VEPH1: variants seen among roughly 807,000 people sequenced by gnomAD.
VEPH1 encodes ventricular zone expressed PH domain containing 1.
Under a neutral mutation model 85.2 loss-of-function variants are expected in VEPH1, and 80 were observed. The observed-to-expected ratio is 0.94, with a 90% CI of 0.78 to 1.13. VEPH1 has a LOEUF of 1.13. Ranked by LOEUF, VEPH1 falls within the 50% of genes most tolerant of loss-of-function variation. The pLI is 0.00. For missense variants in VEPH1, 955 were observed against 980.5 expected, an observed-to-expected ratio of 0.97 and a Z score of 0.35; for synonymous variants, 297 against 348.0, an observed-to-expected ratio of 0.85 and a Z score of 1.63.
chr3:157,432,040 G>A (rs1283605073), intron 4 of VEPH1, among the ~76,000 whole-genome samples: 1 of 151,744 alleles, frequency 6.6e-6, no homozygotes, highest in Non-Finnish European at 1.5e-5. Flanking sequence ...AGTAGAGATG[G>A]AGTTTCACTA....
At chr3:157,472,475 C>G (rs994201254) in intron 2 of VEPH1, among the ~76,000 whole-genome samples, 3 of 152,112 alleles carry the variant, frequency 2.0e-5, no homozygotes, top group African/African-American at 7.2e-5. Flanking sequence ...AATTCTTTTA[C>G]AATACTAATT....
chr3:157,470,814 A>C (rs1272458544), intron 2 of VEPH1, among the ~76,000 whole-genome samples: 1 of 152,132 alleles, frequency 6.6e-6, no homozygotes, highest in Non-Finnish European at 1.5e-5. Context: ...AGTGGGTTTA[A>C]TCTTTAGACT....
intron 13 of VEPH1, 87 bp downstream of exon 13, chr3:157,265,439 G>A: frequency 7.1e-7 from 1 of 1,413,932 alleles, no homozygotes; most frequent in Admixed American, 2.2e-5. Context: ...AAAATTATTA[G>A]AGTTTAAACC....
chr3:157,396,793 G>GT (rs1255808150), intron 6 of VEPH1, among the ~76,000 whole-genome samples: 11 of 149,990 alleles, frequency 7.3e-5, no homozygotes, highest in Non-Finnish European at 1.3e-4. Context: ...TGGGTTGTTT[G>GT]TTTTTTTTTC....
intron 9 of VEPH1, among the ~76,000 whole-genome samples, chr3:157,343,707 T>C (rs1723866697): frequency 6.6e-6 from 1 of 152,164 alleles, no homozygotes; most frequent in African/African-American, 2.4e-5. Flanking sequence ...TACCAAAGCC[T>C]GGCAGAGACA....
chr3:157,357,593 A>G (rs1446075038), intron 9 of VEPH1, among the ~76,000 whole-genome samples: 3 of 152,000 alleles, frequency 2.0e-5, no homozygotes, highest in African/African-American at 7.3e-5. Context: ...CCCAGGTTCA[A>G]GCGATTCTCC....
intron 8 of VEPH1, among the ~76,000 whole-genome samples, chr3:157,364,049 T>G (rs1317818342): frequency 6.6e-6 from 1 of 152,226 alleles, no homozygotes; most frequent in Admixed American, 6.5e-5. Flanking sequence ...TGATTTTTCA[T>G]CAGAAATCAA....
At chr3:157,403,332 C>T (rs1337445166) in intron 6 of VEPH1, among the ~76,000 whole-genome samples, 1 of 152,082 alleles carries the variant, frequency 6.6e-6, no homozygotes, top group Non-Finnish European at 1.5e-5. Flanking sequence ...TCCGTGTAAA[C>T]CATTATTTAG....
At chr3:157,286,945 C>T (rs1577242527) in intron 11 of VEPH1, among the ~76,000 whole-genome samples, 1 of 152,088 alleles carries the variant, frequency 6.6e-6, no homozygotes, top group African/African-American at 2.4e-5. Flanking sequence ...TTGAAATGGC[C>T]CAGAATTTTC....
chr3:157,412,453 A>C (rs949337590), intron 6 of VEPH1, among the ~76,000 whole-genome samples: 2 of 152,150 alleles, frequency 1.3e-5, no homozygotes, highest in Non-Finnish European at 2.9e-5. Context: ...GAAAGAGTTC[A>C]CTTTTTAAAG....
chr3:157,372,618 T>C (rs1303736055), intron 7 of VEPH1, among the ~76,000 whole-genome samples: 2 of 152,168 alleles, frequency 1.3e-5, no homozygotes. Context: ...GGGAATAAAA[T>C]ATTAGGTATT....
intron 6 of VEPH1, among the ~76,000 whole-genome samples, chr3:157,383,412 T>A (rs1030163148): frequency 6.6e-6 from 1 of 152,236 alleles, no homozygotes; most frequent in African/African-American, 2.4e-5. Context: ...CTACACCCAG[T>A]GTGTGTGTCT....
intron 12 of VEPH1, among the ~76,000 whole-genome samples, chr3:157,270,431 G>A (rs538588507): frequency 7.5e-4 from 114 of 152,174 alleles, no homozygotes; most frequent in African/African-American, 2.6e-3. Flanking sequence ...TAGTGCAATT[G>A]GAACCCAAAC....
At chr3:157,463,539 C>G (rs1736077187) in intron 3 of VEPH1, among the ~76,000 whole-genome samples, 1 of 152,152 alleles carries the variant, frequency 6.6e-6, no homozygotes, top group Non-Finnish European at 1.5e-5. Context: ...TGGGCCTGAT[C>G]TGACTGGATC....
At position 157,424,427 on chromosome 3, in the gene VEPH1, C is replaced by T. The variant is rs138874069; in HGVS notation, c.696+3895G>A. ...CTGAAAAGATACCTGAAACTGTGGA[C>T]GTGACTTTGGAACTGGGTAACAGGC... On this transcript the variant is annotated intron_variant, in intron 5 of 13. Coordinates refer to ENST00000362010, the MANE Select transcript of VEPH1 (RefSeq NM_001167912.2). Among the ~76,000 whole-genome samples, 1,052 of 152,218 alleles carry T rather than the reference C, an allele frequency of 6.9e-3. 3 individuals are homozygous for T. The highest frequency in any genetic ancestry group is 9.6e-3 in the Non-Finnish European group (656 of 68,024).
intron 4 of VEPH1, among the ~76,000 whole-genome samples, chr3:157,453,530 T>C (rs1577694142): frequency 2.6e-5 from 4 of 152,268 alleles, no homozygotes; most frequent in Admixed American, 2.6e-4. Context: ...TTATTGTAAT[T>C]ATCATCATCA....
intron 2 of VEPH1, among the ~76,000 whole-genome samples, chr3:157,471,799 A>G (rs559093003): frequency 1.1e-4 from 17 of 152,000 alleles, no homozygotes; most frequent in African/African-American, 4.1e-4. Context: ...CTGCAAATAT[A>G]TCTCTACGTT....
intron 6 of VEPH1, among the ~76,000 whole-genome samples, chr3:157,410,613 AT>A (rs1264477815): frequency 3.9e-5 from 6 of 152,172 alleles, no homozygotes; most frequent in African/African-American, 1.2e-4. Flanking sequence ...TACTACACTT[AT>A]TCTTGGGACA....
intron 2 of VEPH1, among the ~76,000 whole-genome samples, chr3:157,472,853 T>G (rs1737093112): frequency 6.6e-6 from 1 of 152,092 alleles, no homozygotes; most frequent in Non-Finnish European, 1.5e-5. Flanking sequence ...ATCTTGCTCT[T>G]TTTTACGGTT....
Sources: gnomAD v4.1 joint callset for allele counts (sites outside exome capture counted in the v4.1 genomes callset) on GRCh38, gnomAD v4.1.1 for gene constraint, MANE v1.5 for transcripts, NCBI Gene and HGNC (gene_info 2026-07-23, HGNC 2026-07-21) for gene names.